EPB41L2: variants seen among roughly 807,000 people sequenced by gnomAD.
EPB41L2 encodes the protein erythrocyte membrane protein band 4.1 like 2, also known as band 4.1-like protein 2.
EPB41L2 carries 43 observed loss-of-function variants against 113.0 expected under a neutral mutation model. The observed-to-expected ratio is 0.38, with a 90% CI of 0.30 to 0.49. The LOEUF is 0.49. Ranked by LOEUF, EPB41L2 falls within the 20% of genes least tolerant of loss-of-function variation. EPB41L2 has a pLI of 0.95. For missense variants in EPB41L2, 1,147 were observed against 1,223.4 expected (o/e 0.94, Z 0.93); for synonymous variants, 442 against 436.7 (o/e 1.01, Z -0.15).
At chr6:130,976,880 A>T (rs1484397448) in intron 1 of EPB41L2, among the ~76,000 whole-genome samples, 1 of 152,210 alleles carries the variant, frequency 6.6e-6, no homozygotes, top group Non-Finnish European at 1.5e-5. Context: ...CTAAAGACCT[A>T]GGGAAAGTTC....
Position 131,058,093 on chromosome 6 carries a change from A to G in EPB41L2, c.-15+5062T>C, listed in dbSNP as rs1181830039. 4.6e-5 allele frequency among the ~76,000 whole-genome samples: 7 copies of G among 152,334 alleles called. No individual in the cohort carries two copies. The Middle Eastern group carries it at 0.01, about 222-fold the overall frequency. The stretch of plus-strand genomic sequence containing the variant: ...TGTACTTTTTGACTTTATGGCTCTA[A>G]TAAGGTAGAGTGAAAATATGCAAAA... On this transcript the variant is annotated intron_variant, in intron 1 of 19. Transcript: ENST00000337057.
chr6:131,024,504 G>C (rs1020249981), intron 1 of EPB41L2, among the ~76,000 whole-genome samples: 5 of 152,170 alleles, frequency 3.3e-5, no homozygotes, highest in Non-Finnish European at 7.3e-5. Flanking sequence ...CAGAAATGAG[G>C]AGCACAAGCC....
intron 1 of EPB41L2, among the ~76,000 whole-genome samples, chr6:131,062,849 AG>A (rs1482482192): frequency 2.0e-5 from 3 of 151,754 alleles, no homozygotes; most frequent in South Asian, 4.1e-4. Context: ...GGAAGAGGGA[AG>A]AGGGGGACCG....
chr6:130,889,509 T>C (rs929173823), intron 11 of EPB41L2, among the ~76,000 whole-genome samples: 18 of 152,270 alleles, frequency 1.2e-4, no homozygotes, highest in African/African-American at 4.3e-4. Flanking sequence ...ACAAACACAT[T>C]ATATTTACTT....
intron 1 of EPB41L2, among the ~76,000 whole-genome samples, chr6:130,995,993 T>C (rs1584376510): frequency 6.6e-6 from 1 of 152,214 alleles, no homozygotes; most frequent in Non-Finnish European, 1.5e-5. Context: ...CTATTATCTG[T>C]ATATCATAAG....
intron 1 of EPB41L2, among the ~76,000 whole-genome samples, chr6:130,977,217 T>A (rs1204459730): frequency 5.3e-5 from 8 of 152,204 alleles, no homozygotes; most frequent in African/African-American, 1.7e-4. Flanking sequence ...AGCAGCTGTA[T>A]AATACTCTAC....
chr6:130,958,863 G>T (rs1374522106), intron 1 of EPB41L2, among the ~76,000 whole-genome samples: 1 of 152,188 alleles, frequency 6.6e-6, no homozygotes, highest in African/African-American at 2.4e-5. Context: ...AGTTACATAA[G>T]TACTTGAAGT....
intron 19 of EPB41L2, among the ~76,000 whole-genome samples, chr6:130,847,117 C>T (rs1777278853): frequency 6.6e-6 from 1 of 152,256 alleles, no homozygotes; most frequent in Admixed American, 6.5e-5. Context: ...GTGCTGAGAA[C>T]TCTATACATA....
At chr6:130,928,090 CAATA>C (rs1283024076) in intron 3 of EPB41L2, among the ~76,000 whole-genome samples, 1 of 151,604 alleles carries the variant, frequency 6.6e-6, no homozygotes, top group Admixed American at 6.6e-5. Flanking sequence ...GACCCTGTCT[CAATA>C]AATAAATACA....
At chr6:130,888,555 T>C (rs1812080289) in intron 11 of EPB41L2, among the ~76,000 whole-genome samples, 1 of 152,198 alleles carries the variant, frequency 6.6e-6, no homozygotes, top group South Asian at 2.1e-4. Flanking sequence ...ATAAGAGTTA[T>C]ACAGCCTCAC....
At chr6:131,006,882 C>A (rs1365276384) in intron 1 of EPB41L2, among the ~76,000 whole-genome samples, 2 of 152,078 alleles carry the variant, frequency 1.3e-5, no homozygotes, top group Admixed American at 1.3e-4. Context: ...CCTGAGGATC[C>A]TGTGCCCATA....
chr6:130,968,669 C>G (rs932862847), intron 1 of EPB41L2, among the ~76,000 whole-genome samples: 1 of 151,782 alleles, frequency 6.6e-6, no homozygotes, highest in South Asian at 2.1e-4. Flanking sequence ...AACTTTCCCT[C>G]GGCGGGAAAA....
At chr6:130,972,323 C>CAAAA (rs56878009) in intron 1 of EPB41L2, among the ~76,000 whole-genome samples, 3 of 76,610 alleles carry the variant, frequency 3.9e-5, no homozygotes, top group African/African-American at 5.6e-5. Flanking sequence ...GACTCCATCT[C>CAAAA]AAAAAAAAAA....
At chr6:131,009,852 A>G (rs1786494881) in intron 1 of EPB41L2, among the ~76,000 whole-genome samples, 2 of 152,196 alleles carry the variant, frequency 1.3e-5, no homozygotes, top group South Asian at 4.1e-4. Flanking sequence ...CTCTTACCAA[A>G]TCAGTCCATA....
intron 10 of EPB41L2, among the ~76,000 whole-genome samples, chr6:130,891,386 TA>T (rs1196632679): frequency 6.6e-6 from 1 of 152,082 alleles, no homozygotes; most frequent in African/African-American, 2.4e-5. Context: ...CAGGCTCTAT[TA>T]AATGCTCCAA....
chr6:130,867,966 A>ACTCT (rs1471387447), intron 15 of EPB41L2: 12 of 157,102 alleles, frequency 7.6e-5, no homozygotes, highest in African/African-American at 3.3e-4. Context: ...ACACACACAC[A>ACTCT]CACACACTCT....
At chr6:131,003,528 CA>C (rs1483811595) in intron 1 of EPB41L2, among the ~76,000 whole-genome samples, 2 of 152,148 alleles carry the variant, frequency 1.3e-5, no homozygotes, top group Admixed American at 6.5e-5. Context: ...AGAGAAAGGG[CA>C]AAACCACAGT....
At chr6:130,892,426 A>T (rs111945909) in intron 10 of EPB41L2, among the ~76,000 whole-genome samples, 1,408 of 62,158 alleles carry the variant, frequency 0.023, 18 homozygotes, top group African/African-American at 0.056. Flanking sequence ...TTTTTTTATC[A>T]TTATGTGACA....
At position 130,900,992 on chromosome 6, in the gene EPB41L2, T is replaced by A; in HGVS notation, c.1118A>T (p.Glu373Val). ...GGTTTTGTGCAGCTCTGCCACCTTC[T>A]CTTCCAGCTCCTTAGTCTGAGTAGG... ...FAPTQTKELE[E>V]KVAELHKTHR... The change falls in exon 7 of 20, where the codon GAG becomes GTG. Residue 373 changes from glutamate to valine, a missense_variant. Glu to Val is a moderately radical substitution (Grantham distance 121). Coordinates refer to ENST00000337057, the MANE Select transcript of EPB41L2 (RefSeq NM_001431.4). The A allele has an allele frequency of 6.2e-7, 1 of 1,614,182 alleles. No individual in the cohort carries two copies. Among genetic ancestry groups the A allele is most frequent in the Non-Finnish European group, 8.5e-7 (1 of 1,179,992 alleles).
Sources: gnomAD v4.1 joint callset for allele counts (sites outside exome capture counted in the v4.1 genomes callset) on GRCh38, gnomAD v4.1.1 for gene constraint, MANE v1.5 for transcripts, NCBI Gene and HGNC (gene_info 2026-07-23, HGNC 2026-07-21) for gene names.